The following KIF14 variants were observed in gnomAD, a reference collection of about 807,000 sequenced individuals.
KIF14 encodes kinesin-like protein KIF14.
Under a neutral mutation model 176.2 loss-of-function variants are expected in KIF14, and 98 were observed. The observed-to-expected ratio is 0.56, with a 90% CI of 0.47 to 0.66. The LOEUF is 0.66. Ranked by LOEUF, KIF14 falls within the 30% of genes least tolerant of loss-of-function variation. The probability of loss-of-function intolerance (pLI) is 0.00; values close to 1 mark genes in which losing one functional copy is unlikely to be tolerated. For synonymous variants in KIF14, 566 were observed against 632.2 expected, an observed-to-expected ratio of 0.90 and a Z score of 1.57; for missense variants, 1,751 against 1,920.4, an observed-to-expected ratio of 0.91 and a Z score of 1.65.
At chr1:200,586,786 CATACAT>C (rs777152055) in intron 18 of KIF14, among the ~76,000 whole-genome samples, 17,676 of 85,028 alleles carry the variant, frequency 0.21, 1,345 homozygotes, top group African/African-American at 0.29. Flanking sequence ...TATATATATA[CATACAT>C]ATATATATAT....
chr1:200,607,876 T>G (rs1571558205), intron 5 of KIF14, among the ~76,000 whole-genome samples: 1 of 152,200 alleles, frequency 6.6e-6, no homozygotes, highest in Admixed American at 6.5e-5. Context: ...AATTTTTGTA[T>G]TTTTAGTAGA....
At chr1:200,560,531 C>A (rs1370169151) in intron 26 of KIF14, among the ~76,000 whole-genome samples, 191 bp downstream of exon 26, 2 of 152,196 alleles carry the variant, frequency 1.3e-5, no homozygotes, top group Non-Finnish European at 2.9e-5. Context: ...CTCGGCCTCC[C>A]AAAGTGCTGG....
rs1438099243 is a variant in KIF14 at position 200,590,257 on chromosome 1, T to C, written c.2829A>G (p.Ile943Met). Residue 943 changes from isoleucine to methionine, a missense_variant, in exon 17 of 30, where the codon ATA becomes ATG. Physicochemically the swap from Ile to Met is conservative, Grantham distance 10. Transcript: ENST00000367350. ...MAQRSQLEAE[I>M]KEAQLKAKEE... ...CCTTTGCCTTCAACTGAGCCTCTTT[T>C]ATTTCTGCTTCAAGTCTACAATGTA... The C allele has an allele frequency of 2.5e-6, 4 of 1,613,136 alleles. No individual in the cohort carries two copies. The highest frequency in any genetic ancestry group is 3.4e-6 in the Non-Finnish European group (4 of 1,179,782).
chr1:200,559,429 A>C lies in KIF14; in HGVS notation c.4254T>G (p.Cys1418Trp). The C allele has an allele frequency of 6.5e-7, 1 of 1,548,990 alleles. No homozygotes were observed. The highest frequency in any genetic ancestry group is 8.7e-7 in the Non-Finnish European group (1 of 1,149,628). The change falls in exon 27 of 30, where the codon TGT becomes TGG. Residue 1418 changes from cysteine (C) to tryptophan (W), a missense_variant. Physicochemically the swap from Cys to Trp is radical, Grantham distance 215. Coordinates refer to ENST00000367350, the MANE Select transcript of KIF14 (RefSeq NM_014875.3). ...TCTTCATTCCTAAGCCTACACCATCACAAACAGCATCCATGAATTCCTCCT... is the reference window on the plus strand; with the variant it reads ...TCTTCATTCCTAAGCCTACACCATCCCAAACAGCATCCATGAATTCCTCCT... ...SVQEEFMDAVCDGVGLGMKIL... is the reference protein window; with the variant it reads ...SVQEEFMDAVWDGVGLGMKIL...
At chr1:200,600,266 G>C in intron 12 of KIF14, 90 bp downstream of exon 12, 1 of 1,400,214 alleles carries the variant, frequency 7.1e-7, no homozygotes, top group Non-Finnish European at 1.0e-6. Context: ...AGGAAGGTCG[G>C]AAAAATACTC....
In KIF14 at chr1:200,601,891, T is replaced by C. The variant is rs1659643417; in HGVS notation, c.2152+5A>G. 6.3e-7 allele frequency: 1 copy of C among 1,592,732 alleles called. No homozygotes were observed. Among genetic ancestry groups the C allele is most frequent in the Non-Finnish European group, 8.6e-7 (1 of 1,168,746 alleles). On this transcript the variant is annotated splice_donor_5th_base_variant and intron_variant, in intron 11 of 29. Coordinates refer to ENST00000367350, the MANE Select transcript of KIF14 (RefSeq NM_014875.3). The stretch of plus-strand genomic sequence containing the variant: ...ACAATTTTTAAATTCTGAGAAAATA[T>C]TCACCTCTAATTAACTTAGCGTTCA...
At chr1:200,586,784 TACATAC>T (rs1474284471) in intron 18 of KIF14, among the ~76,000 whole-genome samples, 2 of 54,062 alleles carry the variant, frequency 3.7e-5, no homozygotes, top group Non-Finnish European at 6.9e-5. Flanking sequence ...TATATATATA[TACATAC>T]ATATATATAT....
intron 27 of KIF14, among the ~76,000 whole-genome samples, chr1:200,558,136 TG>T (rs1656934062): frequency 6.6e-6 from 1 of 152,162 alleles, no homozygotes; most frequent in South Asian, 2.1e-4. Flanking sequence ...CTGTATTTTT[TG>T]TAGAGACAAG....
chr1:200,615,629 A>G lies in KIF14; in HGVS notation c.1113-20T>C, dbSNP rs1660373562. The G allele has an allele frequency of 1.3e-6, 2 of 1,587,618 alleles. No homozygotes were observed. The highest frequency in any genetic ancestry group is 2.3e-5 in the South Asian group (2 of 86,916). Reference sequence around the variant, plus strand: ...TTCTCTCTTGAAAGAAGCACAAAGAAAAAAATCAAGTAACTAAAATGATCA... The same window carrying G: ...TTCTCTCTTGAAAGAAGCACAAAGAGAAAAATCAAGTAACTAAAATGATCA... On this transcript the variant is annotated intron_variant, in intron 2 of 29. Coordinates refer to ENST00000367350, the MANE Select transcript of KIF14 (RefSeq NM_014875.3).
At position 200,553,473 on chromosome 1, in the gene KIF14, A is replaced by G. The variant is rs1419768282; in HGVS notation, c.4862T>C (p.Val1621Ala). The change falls in exon 30 of 30, where the codon GTA becomes GCA. Residue 1621 changes from valine (V) to alanine (A), a missense_variant. Transcript: ENST00000367350. ...ATGGAGCTCATAGACACGCTTTGGT[A>G]CACCTTTATTCTTACTGCCGTCAAT... The part of the protein sequence containing the change: ...SGIDGSKNKG[V>A]PKRVYELHGS... 3.7e-6 allele frequency: 6 copies of G among 1,613,850 alleles called. No individual in the cohort carries two copies. Among genetic ancestry groups the G allele is most frequent in the African/African-American group, 1.3e-5 (1 of 74,878 alleles).
chr1:200,581,344 C>T, intron 19 of KIF14, 50 bp from the exon 20 acceptor site: 1 of 999,288 alleles, frequency 1.0e-6, no homozygotes, highest in South Asian at 1.6e-5. Flanking sequence ...TGGACACTAA[C>T]ATATACCATT....
chr1:200,608,117 T>C (rs1272906276), intron 5 of KIF14, among the ~76,000 whole-genome samples: 1 of 152,186 alleles, frequency 6.6e-6, no homozygotes, highest in Non-Finnish European at 1.5e-5. Context: ...ATTTCACAGA[T>C]TATCTACAAG....
intron 5 of KIF14, 139 bp downstream of exon 5, chr1:200,608,691 A>G: frequency 1.7e-6 from 1 of 602,608 alleles, no homozygotes; most frequent in Non-Finnish European, 3.0e-6. Flanking sequence ...TAAATAATCT[A>G]ATTGGACTGT....
intron 16 of KIF14, among the ~76,000 whole-genome samples, 196 bp downstream of exon 16, chr1:200,591,884 A>G (rs1659071824): frequency 6.6e-6 from 1 of 152,216 alleles, no homozygotes. Flanking sequence ...TTATATCTCC[A>G]GCATTTGGTA....
At position 200,553,445 on chromosome 1, in the gene KIF14, G is replaced by A; in HGVS notation, c.4890C>T (p.Gly1630=). 1 of 1,613,996 alleles carries A rather than the reference G, an allele frequency of 6.2e-7. No individual in the cohort carries two copies. ...CCTCTGAGCTCACTGCTGGGGATGA[G>A]CCATGGAGCTCATAGACACGCTTTG... The part of the protein sequence containing the change: ...GVPKRVYELH[G]SSPAVSSEEC... The change falls in exon 30 of 30, where the codon GGC becomes GGT. Residue 1630 remains glycine, a synonymous_variant. Coordinates refer to ENST00000367350, the MANE Select transcript of KIF14 (RefSeq NM_014875.3).
Position 200,580,299 on chromosome 1 carries a change from C to T in KIF14, c.3420G>A (p.Leu1140=). ...CTGCAAGTTTAGATTCAAACTTTTC[C>T]AGACTCCAGAATGTTGAGATTCCTA... The part of the protein sequence containing the change: ...LKLGISTFWS[L]EKFESKLAAM... The change falls in exon 21 of 30, where the codon CTG becomes CTA. Residue 1140 remains leucine (L), a synonymous_variant. Coordinates refer to ENST00000367350, the MANE Select transcript of KIF14 (RefSeq NM_014875.3). 1 of 1,510,574 alleles carries T rather than the reference C, an allele frequency of 6.6e-7. No individual in the cohort carries two copies. Among genetic ancestry groups the T allele is most frequent in the Non-Finnish European group, 8.9e-7 (1 of 1,122,300 alleles). 93.6% of individuals were successfully genotyped at this position (1,510,574 alleles called of 1,614,324 possible).
chr1:200,613,087 C>G (rs1408886281), intron 4 of KIF14, among the ~76,000 whole-genome samples: 2 of 151,878 alleles, frequency 1.3e-5, no homozygotes, highest in Non-Finnish European at 2.9e-5. Flanking sequence ...AGGATTTCAC[C>G]ATGTTGGCCA....
At position 200,552,548 on chromosome 1, in the gene KIF14, TAAC is replaced by T. The variant is rs1035862366; in HGVS notation, c.*837_*839del. On this transcript the variant is annotated 3_prime_UTR_variant, in exon 30 of 30. Transcript: ENST00000367350. The stretch of plus-strand genomic sequence containing the variant: ...TACAGCCCCCATTATGAAACACAGA[TAAC>T]AGGGTAAACTACTGTGCCAGCAAGC... 6.6e-6 allele frequency: 1 copy of T among 152,072 alleles called. No individual in the cohort carries two copies. Among genetic ancestry groups the T allele is most frequent in the Admixed American group, 6.6e-5 (1 of 15,262 alleles). The allele number at this position is 152,072 out of a possible 1,614,324, so 9.4% of individuals were successfully genotyped here.
chr1:200,563,536 G>A (rs1657275970), intron 25 of KIF14, among the ~76,000 whole-genome samples: 1 of 151,794 alleles, frequency 6.6e-6, no homozygotes, highest in Non-Finnish European at 1.5e-5. Context: ...TCAGCTGGCT[G>A]ATTTTTTTTA....
Sources: allele counts gnomAD v4.1 joint callset (sites outside exome capture counted in the v4.1 genomes callset), GRCh38; gene constraint gnomAD v4.1.1; transcripts MANE v1.5; gene names NCBI Gene and HGNC (gene_info 2026-07-23, HGNC 2026-07-21).